The following CSGALNACT1 variants were observed in gnomAD, a reference collection of about 807,000 sequenced individuals.
The protein encoded by CSGALNACT1 is beta4GalNAcT-1.
In CSGALNACT1, 52 loss-of-function variants were observed where a neutral mutation model predicts 51.0. The observed-to-expected ratio is 1.02, with a 90% CI of 0.82 to 1.29. The LOEUF (loss-of-function observed/expected upper bound fraction) is 1.29. Among genes scored for constraint, CSGALNACT1 ranks in the 50% most tolerant of loss-of-function variants. CSGALNACT1 has a pLI of 0.00. For synonymous variants in CSGALNACT1, 341 were observed against 254.4 expected (o/e 1.34, Z -3.24); for missense variants, 935 against 679.2 (o/e 1.38, Z -4.19).
chr8:19,556,002 T>C (rs747956069), intron 3 of CSGALNACT1, among the ~76,000 whole-genome samples: 2 of 152,162 alleles, frequency 1.3e-5, no homozygotes, highest in Non-Finnish European at 2.9e-5. Flanking sequence ...GGTGTGTTTT[T>C]TTACCCTCGA....
chr8:19,584,009 G>A (rs1228692901), intron 3 of CSGALNACT1, among the ~76,000 whole-genome samples: 1 of 152,098 alleles, frequency 6.6e-6, no homozygotes, highest in Non-Finnish European at 1.5e-5. Flanking sequence ...AGCACAAACT[G>A]GGCCACATCT....
chr8:19,447,444 T>C (rs955217207), intron 5 of CSGALNACT1, among the ~76,000 whole-genome samples: 8 of 152,278 alleles, frequency 5.3e-5, no homozygotes, highest in African/African-American at 1.2e-4. Flanking sequence ...GACAGGCTGA[T>C]CTGAGGCCTG....
intron 1 of CSGALNACT1, among the ~76,000 whole-genome samples, chr8:19,709,368 T>A (rs1232617824): frequency 6.6e-6 from 1 of 152,224 alleles, no homozygotes; most frequent in African/African-American, 2.4e-5. Flanking sequence ...GGGCTTATAT[T>A]CTAGTGAAGG....
intron 1 of CSGALNACT1, among the ~76,000 whole-genome samples, chr8:19,723,478 T>C (rs182361419): frequency 1.3e-5 from 2 of 152,338 alleles, no homozygotes; most frequent in East Asian, 3.9e-4. Flanking sequence ...ACAAACCACA[T>C]GACTAGTTGA....
chr8:19,660,467 G>A (rs954325353), intron 1 of CSGALNACT1, among the ~76,000 whole-genome samples: 4 of 152,130 alleles, frequency 2.6e-5, no homozygotes, highest in Non-Finnish European at 5.9e-5. Flanking sequence ...GTAACACTAT[G>A]GTGCCACAGC....
chr8:19,501,366 C>T (rs370962370), intron 4 of CSGALNACT1, among the ~76,000 whole-genome samples: 1 of 151,732 alleles, frequency 6.6e-6, no homozygotes, highest in African/African-American at 2.4e-5. Context: ...GCCTAATAAT[C>T]ATCTTTTAAA....
chr8:19,556,371 C>A (rs1162888818), intron 3 of CSGALNACT1, among the ~76,000 whole-genome samples: 1 of 141,872 alleles, frequency 7.0e-6, no homozygotes, highest in Non-Finnish European at 1.5e-5. Context: ...GAGTGAAACT[C>A]CATCTCTCAA....
At chr8:19,668,446 G>C (rs913268789) in intron 1 of CSGALNACT1, among the ~76,000 whole-genome samples, 1 of 152,114 alleles carries the variant, frequency 6.6e-6, no homozygotes, top group African/African-American at 2.4e-5. Context: ...TTAAGAAGTT[G>C]AATCCTTAAG....
intron 1 of CSGALNACT1, among the ~76,000 whole-genome samples, chr8:19,734,280 C>A (rs942912396): frequency 2.6e-5 from 4 of 152,216 alleles, no homozygotes; most frequent in African/African-American, 9.6e-5. Flanking sequence ...CCTTACACAG[C>A]AAACTGCCAC....
At chr8:19,632,814 G>C (rs150349642) in intron 1 of CSGALNACT1, among the ~76,000 whole-genome samples, 1 of 152,212 alleles carries the variant, frequency 6.6e-6, no homozygotes, top group African/African-American at 2.4e-5. Flanking sequence ...GGAGTGCAGT[G>C]GAACGGTCAC....
At chr8:19,413,377 T>C (rs757390446) in intron 8 of CSGALNACT1, among the ~76,000 whole-genome samples, 21 of 152,318 alleles carry the variant, frequency 1.4e-4, no homozygotes, top group South Asian at 2.1e-4. Flanking sequence ...TACAGGCATC[T>C]GGCCCTCAAT....
chr8:19,630,602 T>C (rs933276655), intron 1 of CSGALNACT1, among the ~76,000 whole-genome samples: 1 of 152,240 alleles, frequency 6.6e-6, no homozygotes, highest in East Asian at 1.9e-4. Flanking sequence ...ATAATGTTAC[T>C]GCTCTAAACA....
rs537470348 is a variant in CSGALNACT1, at chr8:19,695,798, G to C, written c.-297+62052C>G. Among the ~76,000 whole-genome samples, 5 of 152,208 alleles carry C rather than the reference G, an allele frequency of 3.3e-5. No individual in the cohort carries two copies. In the East Asian group the frequency reaches 9.7e-4, roughly 29 times the overall value. Reference sequence around the variant, plus strand: ...TTGTGGAGTCAAAAAGGAGTCAAAAGCTTTCTCCTTCAGCGCAGGAGATTT... The same window carrying C: ...TTGTGGAGTCAAAAAGGAGTCAAAACCTTTCTCCTTCAGCGCAGGAGATTT... On this transcript the variant is annotated intron_variant, in intron 1 of 1. Coordinates refer to the CSGALNACT1 transcript ENST00000517494.
rs774905226 is a variant in CSGALNACT1 at position 19,619,059 on chromosome 8, A to G, written c.-543-17194T>C. 9.9e-4 allele frequency among the ~76,000 whole-genome samples: 151 copies of G among 152,188 alleles called. 1 individual carries two copies. The highest frequency in any genetic ancestry group is 1.9e-3 in the Non-Finnish European group (126 of 68,012). On this transcript the variant is annotated intron_variant, in intron 1 of 9. Coordinates refer to the CSGALNACT1 transcript ENST00000332246. ...TGCCCTCTTAGAGAAGTCACAGATT[A>G]TTTCCCCTGCCATAAATCAGAAGGC...
At chr8:19,423,146 A>T (rs775895332) in intron 6 of CSGALNACT1, among the ~76,000 whole-genome samples, 1 of 152,230 alleles carries the variant, frequency 6.6e-6, no homozygotes, top group African/African-American at 2.4e-5. Context: ...CCTGAACAAC[A>T]GCAAGTGACT....
At chr8:19,510,692 A>C (rs1045221022) in intron 3 of CSGALNACT1, among the ~76,000 whole-genome samples, 4 of 152,222 alleles carry the variant, frequency 2.6e-5, no homozygotes, top group African/African-American at 9.6e-5. Context: ...ATGGGTGAGG[A>C]GTGGGAGATG....
intron 3 of CSGALNACT1, among the ~76,000 whole-genome samples, chr8:19,525,816 A>G (rs1446313608): frequency 2.0e-5 from 3 of 151,972 alleles, no homozygotes; most frequent in African/African-American, 7.3e-5. Flanking sequence ...TAGAACCAGC[A>G]CCTTGGCAGT....
intron 1 of CSGALNACT1, among the ~76,000 whole-genome samples, chr8:19,715,750 G>A (rs1384761011): frequency 6.6e-6 from 1 of 152,108 alleles, no homozygotes; most frequent in Non-Finnish European, 1.5e-5. Context: ...GTTCTGCTAG[G>A]TGTCTAGTGT....
chr8:19,669,076 C>T (rs1009883210), intron 1 of CSGALNACT1, among the ~76,000 whole-genome samples: 2 of 152,194 alleles, frequency 1.3e-5, no homozygotes, highest in Non-Finnish European at 2.9e-5. Context: ...GTCTCAGATA[C>T]AGCAGGCTTC....
Sources: allele counts gnomAD v4.1 joint callset (sites outside exome capture counted in the v4.1 genomes callset), GRCh38; gene constraint gnomAD v4.1.1; transcripts MANE v1.5; gene names NCBI Gene and HGNC (gene_info 2026-07-23, HGNC 2026-07-21).